Variants in PGAP1 observed in about 807,000 individuals in gnomAD.
PGAP1 encodes GPI inositol-deacylase.
Under a neutral mutation model 127.0 loss-of-function variants are expected in PGAP1, and 76 were observed. That is an observed-to-expected ratio of 0.60 (90% CI 0.50 to 0.72). The LOEUF (loss-of-function observed/expected upper bound fraction) is 0.72, where lower values mean the gene tolerates loss of function less well. PGAP1 is among the 30% of genes least tolerant of loss of function. PGAP1 has a pLI of 0.00. For missense variants in PGAP1, 982 were observed against 1,071.3 expected (o/e 0.92, Z 1.16); for synonymous variants, 362 against 366.5 (o/e 0.99, Z 0.14).
intron 26 of PGAP1, among the ~76,000 whole-genome samples, 169 bp downstream of exon 26, chr2:196,842,551 TA>T (rs1298570199): frequency 6.6e-6 from 1 of 152,002 alleles, no homozygotes; most frequent in Non-Finnish European, 1.5e-5. Flanking sequence ...TTCTATCAAA[TA>T]AAACCTATAA....
chr2:196,902,681 T>A lies in PGAP1; in HGVS notation c.711A>T (p.Thr237=), dbSNP rs750669535. The change falls in exon 5 of 27, where the codon ACA becomes ACT. Residue 237 remains threonine, a synonymous_variant. Coordinates refer to ENST00000354764, the MANE Select transcript of PGAP1 (RefSeq NM_024989.4). ...ILNARHINLT[T]LSVAGGFRDY... ...CCCGGAATCCTCCAGCTACAGAAAG[T>A]GTGGTTAAATTTATGTGTCGAGCAT... 6.2e-7 allele frequency: 1 copy of A among 1,612,838 alleles called. No individual in the cohort carries two copies. The highest frequency in any genetic ancestry group is 8.5e-7 in the Non-Finnish European group (1 of 1,178,848).
chr2:196,878,487 C>T (rs1197879394), intron 13 of PGAP1, among the ~76,000 whole-genome samples: 12 of 152,162 alleles, frequency 7.9e-5, no homozygotes, highest in Admixed American at 7.9e-4. Context: ...TGAGTATCCC[C>T]ACCTGTCAGA....
chr2:196,861,093 C>A (rs1452478296), intron 20 of PGAP1, among the ~76,000 whole-genome samples: 1 of 152,128 alleles, frequency 6.6e-6, no homozygotes, highest in Non-Finnish European at 1.5e-5. Flanking sequence ...AAAGGATAGT[C>A]TTTTCAATAA....
chr2:196,843,859 T>C (rs1252375478), intron 25 of PGAP1, 29 bp downstream of exon 25: 3 of 1,358,134 alleles, frequency 2.2e-6, no homozygotes, highest in South Asian at 3.9e-5. Flanking sequence ...TTGAACCACA[T>C]AAACAATAAT....
chr2:196,887,809 T>G (rs1424214520), intron 10 of PGAP1, among the ~76,000 whole-genome samples: 1 of 152,226 alleles, frequency 6.6e-6, no homozygotes, highest in East Asian at 1.9e-4. Flanking sequence ...AAAATACTTG[T>G]GTGAGTCCTG....
chr2:196,841,660 G>A (rs983501724), intron 26 of PGAP1, among the ~76,000 whole-genome samples: 3 of 152,120 alleles, frequency 2.0e-5, no homozygotes, highest in African/African-American at 7.2e-5. Context: ...TGGGACTACA[G>A]GCGCCCGCCA....
chr2:196,854,065 T>C (rs1700799114), intron 20 of PGAP1, among the ~76,000 whole-genome samples: 1 of 151,932 alleles, frequency 6.6e-6, no homozygotes, highest in Admixed American at 6.6e-5. Flanking sequence ...TGGCTAATTA[T>C]TTTTTATTTT....
In PGAP1 at chr2:196,916,496, C is replaced by T; in HGVS notation, c.399G>A (p.Val133=). Residue 133 remains valine (V), a synonymous_variant, in exon 3 of 27, where the codon GTG becomes GTA. Coordinates refer to ENST00000354764, the MANE Select transcript of PGAP1 (RefSeq NM_024989.4). The stretch of plus-strand genomic sequence containing the variant: ...TCTGAAGACTTCCACCATACAAAGC[C>T]ACCAGTTCTTCATTGAAGTTCACAC... ...FFSVNFNEEL[V]ALYGGSLQKQ... 6.2e-7 allele frequency: 1 copy of T among 1,613,586 alleles called. No homozygotes were observed. The highest frequency in any genetic ancestry group is 8.5e-7 in the Non-Finnish European group (1 of 1,179,780).
chr2:196,851,566 C>A (rs1700723448), intron 20 of PGAP1, among the ~76,000 whole-genome samples: 1 of 152,084 alleles, frequency 6.6e-6, no homozygotes, highest in Non-Finnish European at 1.5e-5. Context: ...TTTTAGAGAG[C>A]CCCTCTCTGT....
At chr2:196,920,959 T>C (rs1456714711) in intron 1 of PGAP1, among the ~76,000 whole-genome samples, 1 of 152,140 alleles carries the variant, frequency 6.6e-6, no homozygotes, top group Non-Finnish European at 1.5e-5. Flanking sequence ...GGTAGACATC[T>C]GTGGTAGTAA....
intron 9 of PGAP1, 146 bp downstream of exon 9, chr2:196,892,200 G>A (rs1160072874): frequency 1.9e-6 from 1 of 520,324 alleles, no homozygotes; most frequent in African/African-American, 2.0e-5. Context: ...ACTGATTACT[G>A]ACTAGATACT....
chr2:196,875,846 T>C, intron 13 of PGAP1, 25 bp from the exon 14 acceptor site: 4 of 1,201,352 alleles, frequency 3.3e-6, no homozygotes, highest in Non-Finnish European at 2.4e-6. Context: ...ATTGATTTAT[T>C]AGAAAAAGTA....
At chr2:196,846,882 C>T (rs775540652) in intron 22 of PGAP1, 121 bp downstream of exon 22, 24 of 774,210 alleles carry the variant, frequency 3.1e-5, no homozygotes, top group South Asian at 1.5e-4. Context: ...CCCATACTTT[C>T]GCTAGTTATA....
At position 196,843,860 on chromosome 2, in the gene PGAP1, A is replaced by G. The variant is rs375549714; in HGVS notation, c.2525+28T>C. On this transcript the variant is annotated intron_variant, in intron 25 of 26. Transcript: ENST00000354764. The stretch of plus-strand genomic sequence containing the variant: ...GGGATATTTATTGTTTGAACCACAT[A>G]AACAATAATTATATCAATAAAACGC... The G allele has an allele frequency of 8.0e-6, 11 of 1,373,920 alleles. No homozygotes were observed. The African/African-American group carries it at 1.4e-4, about 18-fold the overall frequency. 85.1% of individuals were successfully genotyped at this position (1,373,920 alleles called of 1,614,324 possible).
chr2:196,872,056 A>G (rs1018635571), intron 18 of PGAP1, among the ~76,000 whole-genome samples: 3 of 152,174 alleles, frequency 2.0e-5, no homozygotes. Context: ...AAGATCCTTA[A>G]GCTAACAACC....
At chr2:196,905,839 C>CG (rs1299422060) in intron 4 of PGAP1, among the ~76,000 whole-genome samples, 1 of 122,464 alleles carries the variant, frequency 8.2e-6, no homozygotes, top group Non-Finnish European at 1.7e-5. Flanking sequence ...AAAGGGGTGA[C>CG]GGACGCACCT....
intron 12 of PGAP1, among the ~76,000 whole-genome samples, chr2:196,881,434 G>GA (rs1203191784): frequency 1.8e-4 from 28 of 152,116 alleles, no homozygotes; most frequent in African/African-American, 6.5e-4. Flanking sequence ...GGTCTTCAAG[G>GA]AATCTCCACA....
intron 4 of PGAP1, among the ~76,000 whole-genome samples, chr2:196,904,454 G>A (rs796338016): frequency 1.3e-5 from 2 of 152,258 alleles, no homozygotes; most frequent in East Asian, 1.9e-4. Flanking sequence ...AAGTCTAGAG[G>A]CAGCTGGGCG....
chr2:196,868,818 A>G (rs1156833489), intron 19 of PGAP1, among the ~76,000 whole-genome samples: 2 of 152,284 alleles, frequency 1.3e-5, no homozygotes, highest in African/African-American at 2.4e-5. Flanking sequence ...CTGTGACTCA[A>G]TCAGCAACAT....
Sources: gnomAD v4.1 joint callset for allele counts (sites outside exome capture counted in the v4.1 genomes callset) on GRCh38, gnomAD v4.1.1 for gene constraint, MANE v1.5 for transcripts, NCBI Gene and HGNC (gene_info 2026-07-23, HGNC 2026-07-21) for gene names.